KLHL2: variants seen among roughly 807,000 people sequenced by gnomAD.
KLHL2 encodes the protein kelch-like protein 2.
In KLHL2, 15 loss-of-function variants were observed where a neutral mutation model predicts 75.8. That is an observed-to-expected ratio of 0.20 (90% CI 0.13 to 0.30). KLHL2 has a LOEUF of 0.30. Ranked by LOEUF, KLHL2 falls within the 10% of genes least tolerant of loss-of-function variation. The pLI is 1.00. For synonymous variants in KLHL2, 214 were observed against 251.9 expected (o/e 0.85, Z 1.42); for missense variants, 381 against 741.0 (o/e 0.51, Z 5.64).
chr4:165,263,802 ATTG>A (rs756535155), intron 5 of KLHL2, among the ~76,000 whole-genome samples: 6,958 of 92,834 alleles, frequency 0.075, 200 homozygotes, highest in Middle Eastern at 0.14. Context: ...GATTTTTTAC[ATTG>A]TTTTTTTTTT....
In KLHL2 at chr4:165,313,986, G is replaced by A. The variant is rs114793265; in HGVS notation, c.1469-40G>A. The A allele has an allele frequency of 1.8e-3, 2,786 of 1,584,696 alleles. 44 individuals are homozygous for A. In the African/African-American group the frequency reaches 0.034, roughly 19 times the overall value. ...AAACCTAATATGATATAAATCTCTTGTTCTTTTTGCCCCTCTATTTGGCTG... is the reference window on the plus strand; with the variant it reads ...AAACCTAATATGATATAAATCTCTTATTCTTTTTGCCCCTCTATTTGGCTG... On this transcript the variant is annotated intron_variant, in intron 12 of 14. Coordinates refer to ENST00000226725, the MANE Select transcript of KLHL2 (RefSeq NM_007246.4).
intron 4 of KLHL2, chr4:165,252,474 T>A (rs1395432239): frequency 2.6e-5 from 4 of 152,150 alleles, no homozygotes; most frequent in Non-Finnish European, 5.9e-5. Flanking sequence ...GACCTTAATG[T>A]CTTAATCTCA....
At chr4:165,299,228 T>A (rs1745162044) in intron 7 of KLHL2, among the ~76,000 whole-genome samples, 1 of 152,220 alleles carries the variant, frequency 6.6e-6, no homozygotes, top group African/African-American at 2.4e-5. Context: ...TCCGAAGAGT[T>A]CATCATATTC....
chr4:165,242,440 C>T (rs1358832052), intron 4 of KLHL2, among the ~76,000 whole-genome samples: 1 of 152,190 alleles, frequency 6.6e-6, no homozygotes, highest in African/African-American at 2.4e-5. Flanking sequence ...ATCCATGTAC[C>T]TTGCTGCTTG....
intron 5 of KLHL2, among the ~76,000 whole-genome samples, chr4:165,265,029 C>A (rs1280005864): frequency 6.6e-6 from 1 of 151,854 alleles, no homozygotes; most frequent in Non-Finnish European, 1.5e-5. Flanking sequence ...CACATCCACA[C>A]CAACATCTAT....
chr4:165,288,948 A>G (rs1744299783), intron 5 of KLHL2, among the ~76,000 whole-genome samples: 1 of 151,890 alleles, frequency 6.6e-6, no homozygotes, highest in South Asian at 2.1e-4. Context: ...ATTTAATGTC[A>G]TGAACTAAGC....
At chr4:165,290,209 C>A (rs577643253) in intron 5 of KLHL2, among the ~76,000 whole-genome samples, 4 of 151,920 alleles carry the variant, frequency 2.6e-5, no homozygotes, top group Non-Finnish European at 5.9e-5. Flanking sequence ...GTGGCACGAT[C>A]ATGGCTCACT....
chr4:165,264,750 A>ATATG (rs1553958098), intron 5 of KLHL2, among the ~76,000 whole-genome samples: 13 of 88,332 alleles, frequency 1.5e-4, no homozygotes, highest in Admixed American at 8.4e-4. Flanking sequence ...GTATATATAT[A>ATATG]TATATATATA....
intron 9 of KLHL2, among the ~76,000 whole-genome samples, chr4:165,307,939 T>C (rs1745860563): frequency 6.6e-6 from 1 of 152,202 alleles, no homozygotes; most frequent in Non-Finnish European, 1.5e-5. Flanking sequence ...TATTGACTTA[T>C]CTGTCTCCAT....
intron 1 of KLHL2, chr4:165,210,094 T>C (rs1737102921): frequency 1.3e-6 from 2 of 1,551,538 alleles, no homozygotes; most frequent in Non-Finnish European, 1.7e-6. Flanking sequence ...GTTAGATTTT[T>C]AGCCTGAGCT....
At chr4:165,225,369 C>A (rs1046978988) in intron 2 of KLHL2, among the ~76,000 whole-genome samples, 6 of 152,198 alleles carry the variant, frequency 3.9e-5, no homozygotes, top group African/African-American at 1.4e-4. Flanking sequence ...AAACTTCATA[C>A]TGTCATGGCT....
chr4:165,301,178 T>C (rs1270028441), intron 8 of KLHL2, among the ~76,000 whole-genome samples: 1 of 152,198 alleles, frequency 6.6e-6, no homozygotes, highest in Non-Finnish European at 1.5e-5. Flanking sequence ...AAATAAGTAG[T>C]TTGGCATATA....
chr4:165,305,562 T>A, intron 8 of KLHL2, 46 bp from the exon 9 acceptor site: 3 of 1,424,076 alleles, frequency 2.1e-6, no homozygotes, highest in Non-Finnish European at 3.0e-6. Context: ...AAATCCTGAA[T>A]ATGTAATAGT....
At chr4:165,295,721 A>G (rs918446673) in intron 6 of KLHL2, among the ~76,000 whole-genome samples, 46 of 152,346 alleles carry the variant, frequency 3.0e-4, no homozygotes, top group African/African-American at 1.1e-3. Context: ...TGCAGAGGGC[A>G]TTCCAGGTAG....
At chr4:165,249,334 G>T (rs1254892573) in intron 4 of KLHL2, among the ~76,000 whole-genome samples, 2 of 152,228 alleles carry the variant, frequency 1.3e-5, no homozygotes, top group Non-Finnish European at 2.9e-5. Context: ...CTAATTTTCA[G>T]TGGGTAACAG....
chr4:165,276,070 A>G (rs1273816653), intron 5 of KLHL2, among the ~76,000 whole-genome samples: 13 of 152,256 alleles, frequency 8.5e-5, no homozygotes, highest in South Asian at 8.3e-4. Flanking sequence ...AGAGGTTGCA[A>G]TGAGCTGAGA....
At chr4:165,255,510 G>C (rs1190284440) in intron 4 of KLHL2, among the ~76,000 whole-genome samples, 1 of 152,056 alleles carries the variant, frequency 6.6e-6, no homozygotes, top group African/African-American at 2.4e-5. Context: ...GAGGAAGAAA[G>C]TTTCCTTCCT....
At chr4:165,312,905 T>C (rs2126573150) in intron 11 of KLHL2, among the ~76,000 whole-genome samples, 1 of 152,350 alleles carries the variant, frequency 6.6e-6, no homozygotes, top group Non-Finnish European at 1.5e-5. Context: ...TAAGATAACT[T>C]TGGTATTTAA....
At chr4:165,286,688 T>G (rs1453438265) in intron 5 of KLHL2, among the ~76,000 whole-genome samples, 1 of 152,156 alleles carries the variant, frequency 6.6e-6, no homozygotes, top group Non-Finnish European at 1.5e-5. Context: ...CATAAAGATG[T>G]GAGTGTGCAT....
Sources: allele counts gnomAD v4.1 joint callset (sites outside exome capture counted in the v4.1 genomes callset), GRCh38; gene constraint gnomAD v4.1.1; transcripts MANE v1.5; gene names NCBI Gene and HGNC (gene_info 2026-07-23, HGNC 2026-07-21).